Variants in GTF2H3 observed in about 807,000 individuals in gnomAD.
GTF2H3 encodes the protein general transcription factor IIH subunit 3, also known as TFIIH basal transcription factor complex p34 subunit.
Under a neutral mutation model 51.1 loss-of-function variants are expected in GTF2H3, and 42 were observed. The ratio of observed to expected loss-of-function variants is 0.82; its 90% CI spans 0.64 to 1.06. The LOEUF (loss-of-function observed/expected upper bound fraction) is 1.06, where lower values mean the gene tolerates loss of function less well. Ranked by LOEUF, GTF2H3 falls within the 50% of genes least tolerant of loss-of-function variation. GTF2H3 has a pLI of 0.00. For missense variants in GTF2H3, 326 were observed against 366.1 expected (o/e 0.89, Z 0.89); for synonymous variants, 123 against 123.8 (o/e 0.99, Z 0.04).
chr12:123,658,140 C>A (rs1183371499), intron 9 of GTF2H3, among the ~76,000 whole-genome samples: 2 of 152,170 alleles, frequency 1.3e-5, no homozygotes, highest in Non-Finnish European at 2.9e-5. Flanking sequence ...TCACTGCAGC[C>A]TTATCCTCCC....
chr12:123,642,727 A>G (rs1037271259), intron 2 of GTF2H3, among the ~76,000 whole-genome samples: 5 of 152,184 alleles, frequency 3.3e-5, no homozygotes, highest in African/African-American at 1.2e-4. Flanking sequence ...ACACCTGCGC[A>G]TGTTATAAAT....
chr12:123,637,086 A>C (rs962239727), intron 1 of GTF2H3, among the ~76,000 whole-genome samples: 3 of 152,192 alleles, frequency 2.0e-5, no homozygotes, highest in Non-Finnish European at 4.4e-5. Context: ...AAATTTGTTT[A>C]AAAATACATA....
intron 4 of GTF2H3, among the ~76,000 whole-genome samples, chr12:123,648,686 T>C (rs1171604125): frequency 6.6e-6 from 1 of 152,228 alleles, no homozygotes; most frequent in Admixed American, 6.5e-5. Context: ...CCCATCCAAG[T>C]AGTTTTCTAA....
intron 5 of GTF2H3, 109 bp from the exon 6 acceptor site, chr12:123,652,423 G>A: frequency 1.5e-6 from 1 of 656,304 alleles, no homozygotes; most frequent in Non-Finnish European, 2.6e-6. Context: ...TCCCTTCTTA[G>A]CTAGGTAGAT....
chr12:123,651,143 C>A, intron 5 of GTF2H3, 87 bp downstream of exon 5: 1 of 910,038 alleles, frequency 1.1e-6, no homozygotes, highest in Non-Finnish European at 1.8e-6. Context: ...CTTGGGTGCC[C>A]ATTACTGGGA....
At chr12:123,652,111 T>A (rs1955528047) in intron 5 of GTF2H3, among the ~76,000 whole-genome samples, 1 of 152,214 alleles carries the variant, frequency 6.6e-6, no homozygotes, top group African/African-American at 2.4e-5. Flanking sequence ...CCTTTTCATT[T>A]TATCTGTGTG....
rs376305067 is a variant in GTF2H3 at position 123,661,640 on chromosome 12, C to CCAAAAAAAAAAA, written c.*1405_*1406insCAAAAAAAAAAA. The CCAAAAAAAAAAA allele has an allele frequency of 7.5e-6, 1 of 132,886 alleles. No homozygotes were observed. The highest frequency in any genetic ancestry group is 3.2e-5 in the African/African-American group (1 of 31,614). 8.2% of individuals were successfully genotyped at this position (132,886 alleles called of 1,614,324 possible). A position where few individuals can be genotyped will look rare whatever the true frequency, so the allele number is the denominator to read the frequency against. ...TGGGTGACAGAGCGAGACTCTGTAT[C>CCAAAAAAAAAAA]AAAAAAAAAAAAGATCGGGCACGTT... On this transcript the variant is annotated 3_prime_UTR_variant, in exon 13 of 13. Transcript: ENST00000543341.
At position 123,651,076 on chromosome 12, in the gene GTF2H3, C is replaced by G; in HGVS notation, c.427+20C>G. The stretch of plus-strand genomic sequence containing the variant: ...TTTGCTGTATCCTTGGTGTCTGAAT[C>G]ATTTAGAAGGTGTCTTCTGTAATAA... On this transcript the variant is annotated intron_variant, in intron 5 of 12. Transcript: ENST00000543341. 1 of 1,576,204 alleles carries G rather than the reference C, an allele frequency of 6.3e-7. No individual in the cohort carries two copies. Among genetic ancestry groups the G allele is most frequent in the South Asian group, 1.1e-5 (1 of 90,198 alleles).
At chr12:123,654,508 G>A (rs1220428454) in intron 7 of GTF2H3, among the ~76,000 whole-genome samples, 1 of 151,032 alleles carries the variant, frequency 6.6e-6, no homozygotes, top group Admixed American at 6.6e-5. Context: ...TTTGGGGTAT[G>A]GGTGTATTTT....
intron 3 of GTF2H3, among the ~76,000 whole-genome samples, chr12:123,647,070 G>A (rs373553780): frequency 9.8e-4 from 148 of 150,876 alleles, no homozygotes; most frequent in Middle Eastern, 3.4e-3. Context: ...GGAGAATGTC[G>A]TGAACCCGGG....
chr12:123,645,399 G>A, intron 2 of GTF2H3, 56 bp from the exon 3 acceptor site: 1 of 937,360 alleles, frequency 1.1e-6, no homozygotes, highest in Non-Finnish European at 1.8e-6. Flanking sequence ...GTCAAGACCT[G>A]ACATGGTTAT....
In GTF2H3 at chr12:123,659,536, A is replaced by C. The variant is rs1566234841; in HGVS notation, c.636A>C (p.Gly212=). Residue 212 remains glycine (G), a synonymous_variant, in exon 10 of 13, where the codon GGA becomes GGC. Coordinates refer to ENST00000543341, the MANE Select transcript of GTF2H3 (RefSeq NM_001516.5). ...TGCAGGCTTGTGACATCACGGGAGG[A>C]CTGTACCTGAAGGTGCCTCAGATGC... ...LLQQACDITG[G]LYLKVPQMPS... The C allele has an allele frequency of 6.2e-7, 1 of 1,614,096 alleles. No individual in the cohort carries two copies. The highest frequency in any genetic ancestry group is 1.1e-5 in the South Asian group (1 of 91,078).
At chr12:123,659,732 G>C (rs11573005) in intron 10 of GTF2H3, 63 bp from the exon 11 acceptor site, 40,414 of 1,547,580 alleles carry the variant, frequency 0.026, 1,231 homozygotes, top group African/African-American at 0.15. Context: ...TAGAAGGGTG[G>C]GCTTCATGTT....
intron 1 of GTF2H3, among the ~76,000 whole-genome samples, chr12:123,636,993 G>T (rs1955294077): frequency 6.6e-6 from 1 of 152,186 alleles, no homozygotes; most frequent in Non-Finnish European, 1.5e-5. Flanking sequence ...ACTGAGACAG[G>T]AAGATCACTT....
intron 4 of GTF2H3, chr12:123,649,861 A>T (rs571295378): frequency 4.2e-4 from 64 of 152,326 alleles, no homozygotes; most frequent in Non-Finnish European, 6.9e-4. Flanking sequence ...TGAATTGCAT[A>T]CCCAAAAGTA....
intron 2 of GTF2H3, among the ~76,000 whole-genome samples, chr12:123,642,891 T>C (rs1414761612): frequency 6.6e-6 from 1 of 152,242 alleles, no homozygotes; most frequent in African/African-American, 2.4e-5. Context: ...TTTTCTTTTT[T>C]TGAGATGGCG....
intron 1 of GTF2H3, among the ~76,000 whole-genome samples, chr12:123,635,658 C>A (rs6488886): frequency 0.056 from 8,532 of 151,832 alleles, 563 homozygotes; most frequent in African/African-American, 0.16. Context: ...AGCAATCTTC[C>A]TGCCTCGACC....
intron 8 of GTF2H3, 143 bp downstream of exon 8, chr12:123,655,141 C>T (rs1180666939): frequency 1.5e-6 from 1 of 672,906 alleles, no homozygotes; most frequent in Non-Finnish European, 2.6e-6. Flanking sequence ...ATGTTCTAGT[C>T]TTTTCTCTAT....
At position 123,647,333 on chromosome 12, in the gene GTF2H3, G is replaced by T. The variant is rs575266946; in HGVS notation, c.201-630G>T. ...TAAAAATACAAAAAATTAGCTGGAC[G>T]TGGTGGTACACTCCTGTAATTCCAG... is the stretch of plus-strand genomic sequence containing the variant. On this transcript the variant is annotated intron_variant, in intron 3 of 12. Transcript: ENST00000543341. Among the ~76,000 whole-genome samples, 7 of 151,728 alleles carry T rather than the reference G, an allele frequency of 4.6e-5. 1 individual carries two copies. The highest frequency in any genetic ancestry group is 2.0e-4 in the Admixed American group (3 of 15,194).
Sources: gnomAD v4.1 joint callset for allele counts (sites outside exome capture counted in the v4.1 genomes callset) on GRCh38, gnomAD v4.1.1 for gene constraint, MANE v1.5 for transcripts, NCBI Gene and HGNC (gene_info 2026-07-23, HGNC 2026-07-21) for gene names.